Variants in RASGEF1C observed in about 807,000 individuals in gnomAD.
RASGEF1C encodes ras-GEF domain-containing family member 1C.
A neutral mutation model predicts 58.1 loss-of-function variants in RASGEF1C; 27 were observed. The ratio of observed to expected loss-of-function variants is 0.46; its 90% confidence interval spans 0.34 to 0.64. RASGEF1C has a LOEUF of 0.64. Ranked by LOEUF, RASGEF1C falls within the 30% of genes least tolerant of loss-of-function variation. The pLI, the probability that RASGEF1C is intolerant of heterozygous loss-of-function variation, is 0.01. For synonymous variants in RASGEF1C, 243 were observed against 246.3 expected, an observed-to-expected ratio of 0.99 and a Z score of 0.13; for missense variants, 502 against 605.1, an observed-to-expected ratio of 0.83 and a Z score of 1.79.
chr5:180,164,373 A>G (rs1259792475), intron 1 of RASGEF1C, among the ~76,000 whole-genome samples: 1 of 152,228 alleles, frequency 6.6e-6, no homozygotes, highest in Non-Finnish European at 1.5e-5. Context: ...CTTCTCAAAA[A>G]TAAAAGATTT....
At chr5:180,147,678 C>T (rs922200738) in intron 1 of RASGEF1C, among the ~76,000 whole-genome samples, 2 of 152,256 alleles carry the variant, frequency 1.3e-5, no homozygotes, top group African/African-American at 2.4e-5. Context: ...TATGATATCT[C>T]TCTTTTAAAA....
At chr5:180,202,001 C>T (rs889115953) in intron 1 of RASGEF1C, among the ~76,000 whole-genome samples, 1 of 152,016 alleles carries the variant, frequency 6.6e-6, no homozygotes, top group African/African-American at 2.4e-5. Flanking sequence ...AAAATTCAGA[C>T]ACATGAAGAA....
chr5:180,157,143 T>A (rs1766864744), intron 1 of RASGEF1C, among the ~76,000 whole-genome samples: 1 of 152,242 alleles, frequency 6.6e-6, no homozygotes, highest in Non-Finnish European at 1.5e-5. Context: ...TACCATATAA[T>A]CTAGCAATCT....
chr5:180,118,738 T>C (rs996218696), intron 9 of RASGEF1C, 34 bp from the exon 10 acceptor site: 1 of 1,614,020 alleles, frequency 6.2e-7, no homozygotes, highest in African/African-American at 1.3e-5. Context: ...TGGGCAGTTC[T>C]GTCCAGGGGA....
rs1016172242 is a variant in RASGEF1C at position 180,138,369 on chromosome 5, T to G, written c.-6-311A>C. 16 of 266,684 alleles carry G rather than the reference T, an allele frequency of 6.0e-5. 1 individual carries two copies. Among genetic ancestry groups the G allele is most frequent in the African/African-American group, 1.1e-4 (5 of 45,548 alleles). The allele number at this position is 266,684 out of a possible 1,614,324, so 16.5% of individuals were successfully genotyped here. A position where few individuals can be genotyped will look rare whatever the true frequency, so the allele number is the denominator to read the frequency against. On this transcript the variant is annotated intron_variant, in intron 1 of 13. Transcript: ENST00000361132. ...CCCCCCGGCACCCCTCCACGAAGGT[T>G]GTTTTTCACAAGCCTGGATAATCAG...
chr5:180,127,575 C>A, intron 6 of RASGEF1C, 34 bp downstream of exon 6: 1 of 1,577,112 alleles, frequency 6.3e-7, no homozygotes, highest in Admixed American at 1.8e-5. Context: ...CTGGGTGAGG[C>A]TCACTTTTGG....
Position 180,143,329 on chromosome 5 carries a change from C to T in RASGEF1C, c.-6-5271G>A, listed in dbSNP as rs969810941. Among the ~76,000 whole-genome samples the T allele has an allele frequency of 1.3e-5, 2 of 152,230 alleles. No homozygotes were observed. Among genetic ancestry groups the T allele is most frequent in the Non-Finnish European group, 1.5e-5 (1 of 68,042 alleles). On this transcript the variant is annotated intron_variant, in intron 1 of 13. Coordinates refer to ENST00000361132, the MANE Select transcript of RASGEF1C (RefSeq NM_175062.4). The surrounding 1 kb of genome is among the most constrained non-coding windows in gnomAD (Gnocchi z 4.3). The stretch of plus-strand genomic sequence containing the variant: ...CTGGGACAGCATGGCCCCAGCCCAA[C>T]CCCTCTATGGGAGACGGGAAATGTG...
At chr5:180,113,050 G>A (rs1322687514) in intron 11 of RASGEF1C, among the ~76,000 whole-genome samples, 1 of 119,742 alleles carries the variant, frequency 8.4e-6, no homozygotes, top group Non-Finnish European at 2.0e-5. Flanking sequence ...GGGGATGGAC[G>A]GAGGGATCCG....
intron 6 of RASGEF1C, among the ~76,000 whole-genome samples, chr5:180,125,123 ACT>A (rs1442094416): frequency 6.6e-6 from 1 of 152,088 alleles, no homozygotes; most frequent in African/African-American, 2.4e-5. Context: ...AAAGAGCAAG[ACT>A]CTGTCTCAAA....
intron 1 of RASGEF1C, among the ~76,000 whole-genome samples, chr5:180,175,316 G>A (rs187024566): frequency 5.3e-5 from 8 of 152,312 alleles, no homozygotes; most frequent in Admixed American, 2.0e-4. Context: ...GCCCCCAGAC[G>A]CCAGAGGAGC....
At chr5:180,182,361 G>C (rs556094822) in intron 1 of RASGEF1C, among the ~76,000 whole-genome samples, 3 of 152,106 alleles carry the variant, frequency 2.0e-5, no homozygotes, top group Non-Finnish European at 4.4e-5. Flanking sequence ...TTCACGGTGA[G>C]TGTTACAGCT....
At chr5:180,142,876 A>C (rs2113283805) in intron 1 of RASGEF1C, among the ~76,000 whole-genome samples, 1 of 150,324 alleles carries the variant, frequency 6.7e-6, no homozygotes, top group African/African-American at 2.4e-5. Context: ...CAGGCCTGGA[A>C]TGGTGAGGCT....
chr5:180,188,620 T>A (rs1756082410), intron 1 of RASGEF1C, among the ~76,000 whole-genome samples: 1 of 152,230 alleles, frequency 6.6e-6, no homozygotes, highest in Non-Finnish European at 1.5e-5. Context: ...AAAATTGGAA[T>A]ACTTTCTCCC....
In RASGEF1C at chr5:180,114,793, G is replaced by A. The variant is rs541394764; in HGVS notation, c.1084-252C>T. ...GCAGGCGCGCATCACCCTGCAGAGCGCCGTGGTGCCACCGCCCGTCCTGGG... is the reference window on the plus strand; with the variant it reads ...GCAGGCGCGCATCACCCTGCAGAGCACCGTGGTGCCACCGCCCGTCCTGGG... On this transcript the variant is annotated intron_variant, in intron 10 of 13. Transcript: ENST00000361132. Among the ~76,000 whole-genome samples the A allele has an allele frequency of 4.6e-5, 7 of 152,342 alleles. No individual in the cohort carries two copies. The South Asian group carries it at 8.3e-4, about 18-fold the overall frequency.
At chr5:180,178,822 T>C (rs1383571810) in intron 1 of RASGEF1C, among the ~76,000 whole-genome samples, 9 of 151,678 alleles carry the variant, frequency 5.9e-5, no homozygotes, top group African/African-American at 2.2e-4. Flanking sequence ...ATATGTAAAA[T>C]GGGCCTAATG....
intron 1 of RASGEF1C, among the ~76,000 whole-genome samples, chr5:180,193,129 C>T (rs1251618327): frequency 6.8e-6 from 1 of 147,024 alleles, no homozygotes; most frequent in Non-Finnish European, 1.5e-5. Flanking sequence ...GATCTCGGCT[C>T]ACTGCAAGCT....
chr5:180,105,934 A>ATAG (rs1303174745), intron 12 of RASGEF1C, among the ~76,000 whole-genome samples: 1 of 152,160 alleles, frequency 6.6e-6, no homozygotes, highest in African/African-American at 2.4e-5. Flanking sequence ...AGTTGATCTG[A>ATAG]TAGCTGAGGT....
intron 7 of RASGEF1C, among the ~76,000 whole-genome samples, chr5:180,119,762 A>ACTCTT (rs1766136116): frequency 1.3e-5 from 2 of 150,154 alleles, no homozygotes; most frequent in Admixed American, 1.3e-4. Context: ...CTCCCACCCC[A>ACTCTT]CTCTTCCCCT....
intron 1 of RASGEF1C, among the ~76,000 whole-genome samples, chr5:180,174,451 CGTGTGTGCA>C (rs1561751317): frequency 1.3e-4 from 20 of 148,756 alleles, no homozygotes; most frequent in Admixed American, 2.7e-4. Flanking sequence ...TGTGCATGTG[CGTGTGTGCA>C]TGTCTGTGTG....
Sources: allele counts gnomAD v4.1 joint callset (sites outside exome capture counted in the v4.1 genomes callset), GRCh38; gene constraint gnomAD v4.1.1; non-coding constraint Gnocchi (gnomAD v3.1); transcripts MANE v1.5; gene names NCBI Gene and HGNC (gene_info 2026-07-23, HGNC 2026-07-21).